RORA: variants seen among roughly 807,000 people sequenced by gnomAD.
RORA encodes nuclear receptor ROR-alpha.
A neutral mutation model predicts 69.5 loss-of-function variants in RORA; 7 were observed. The ratio of observed to expected loss-of-function variants is 0.10; its 90% confidence interval spans 0.06 to 0.19. The LOEUF (loss-of-function observed/expected upper bound fraction) is 0.19, where lower values mean the gene tolerates loss of function less well. Among genes scored for constraint, RORA ranks in the 10% least tolerant of loss-of-function variants. The pLI is 1.00. For missense variants in RORA, 457 were observed against 663.0 expected (o/e 0.69, Z 3.41); for synonymous variants, 261 against 240.8 (o/e 1.08, Z -0.78).
At chr15:61,042,796 C>T (rs1896845446) in intron 1 of RORA, among the ~76,000 whole-genome samples, 1 of 152,184 alleles carries the variant, frequency 6.6e-6, no homozygotes, top group Non-Finnish European at 1.5e-5. Context: ...TTTTTGCCTG[C>T]CTGGAGAAAT....
At chr15:61,072,161 T>C (rs1473135458) in intron 1 of RORA, among the ~76,000 whole-genome samples, 1 of 152,176 alleles carries the variant, frequency 6.6e-6, no homozygotes, top group East Asian at 1.9e-4. Context: ...GACAGGATTG[T>C]GAATGAGGCA....
intron 1 of RORA, among the ~76,000 whole-genome samples, chr15:60,836,409 T>C (rs1006402027): frequency 2.0e-5 from 3 of 152,110 alleles, no homozygotes; most frequent in African/African-American, 7.2e-5. Context: ...CTCGGACCAT[T>C]CTTTATCCTT....
chr15:60,870,774 T>C (rs953810550), intron 1 of RORA, among the ~76,000 whole-genome samples: 11 of 152,326 alleles, frequency 7.2e-5, no homozygotes, highest in Middle Eastern at 3.4e-3. Context: ...ATCCTTACAC[T>C]CACTAGTCAC....
chr15:60,594,845 G>A (rs551901699), intron 2 of RORA, among the ~76,000 whole-genome samples: 1 of 152,318 alleles, frequency 6.6e-6, no homozygotes, highest in Admixed American at 6.5e-5. Context: ...GCCCTTTGGA[G>A]ATGTACTTCA....
chr15:60,653,734 G>A (rs1180172980), intron 2 of RORA, among the ~76,000 whole-genome samples: 1 of 152,060 alleles, frequency 6.6e-6, no homozygotes, highest in Non-Finnish European at 1.5e-5. Flanking sequence ...TCAGCTCAGA[G>A]TCCGACTGTG....
chr15:60,720,474 A>C (rs555049679), intron 1 of RORA, among the ~76,000 whole-genome samples: 1 of 152,360 alleles, frequency 6.6e-6, no homozygotes, highest in South Asian at 2.1e-4. Context: ...TCAAGGGTAC[A>C]TTTAACCATC....
At chr15:61,047,551 T>C (rs1384676338) in intron 1 of RORA, among the ~76,000 whole-genome samples, 1 of 152,222 alleles carries the variant, frequency 6.6e-6, no homozygotes, top group Non-Finnish European at 1.5e-5. Flanking sequence ...GGAGTGTCTC[T>C]TCCCTTGTTC....
chr15:61,129,679 T>C (rs540450079), intron 1 of RORA, among the ~76,000 whole-genome samples: 1 of 152,302 alleles, frequency 6.6e-6, no homozygotes, highest in East Asian at 1.9e-4. Context: ...GACAGTTCAG[T>C]CAAAGGATCA....
intron 2 of RORA, among the ~76,000 whole-genome samples, chr15:60,632,354 G>T (rs987799340): frequency 1.3e-4 from 20 of 151,930 alleles, no homozygotes; most frequent in Admixed American, 1.0e-3. Context: ...TGATCTGCCC[G>T]CCTCGGCCTC....
intron 1 of RORA, among the ~76,000 whole-genome samples, chr15:61,135,996 T>C (rs2079236759): frequency 6.6e-6 from 1 of 152,230 alleles, no homozygotes; most frequent in Admixed American, 6.5e-5. Context: ...ACGTTCAAGA[T>C]AATAGGTTAC....
intron 6 of RORA, among the ~76,000 whole-genome samples, chr15:60,505,018 G>A (rs1450808807): frequency 6.6e-6 from 1 of 152,148 alleles, no homozygotes; most frequent in Non-Finnish European, 1.5e-5. Flanking sequence ...GGCAAGTAGG[G>A]TACTATTTGT....
At chr15:60,742,493 T>C (rs2071587501) in intron 1 of RORA, among the ~76,000 whole-genome samples, 2 of 152,360 alleles carry the variant, frequency 1.3e-5, no homozygotes, top group South Asian at 4.1e-4. Context: ...ATTTTTGTGA[T>C]GAGAATTCTT....
chr15:61,113,015 AAC>A (rs150116240), intron 1 of RORA, among the ~76,000 whole-genome samples: 137 of 152,326 alleles, frequency 9.0e-4, no homozygotes, highest in African/African-American at 3.1e-3. Flanking sequence ...TGGGCAGGTA[AAC>A]AGAAAGCATT....
intron 2 of RORA, among the ~76,000 whole-genome samples, chr15:60,551,949 C>G (rs191412798): frequency 6.6e-6 from 1 of 152,218 alleles, no homozygotes; most frequent in African/African-American, 2.4e-5. Context: ...AAACAATTCA[C>G]TTGGGAAGAG....
At chr15:61,140,249 C>A (rs991434727) in intron 1 of RORA, among the ~76,000 whole-genome samples, 2 of 152,122 alleles carry the variant, frequency 1.3e-5, no homozygotes, top group Admixed American at 6.5e-5. Context: ...AACACGGTAC[C>A]TAAAATTTTC....
chr15:60,742,414 A>G (rs2071586394), intron 1 of RORA, among the ~76,000 whole-genome samples: 1 of 152,206 alleles, frequency 6.6e-6, no homozygotes, highest in Non-Finnish European at 1.5e-5. Flanking sequence ...ACATATTTTG[A>G]TATATGTATA....
chr15:61,151,112 T>C (rs1325657745), intron 1 of RORA, among the ~76,000 whole-genome samples: 1 of 152,164 alleles, frequency 6.6e-6, no homozygotes, highest in Non-Finnish European at 1.5e-5. Context: ...ACTCTTTTAC[T>C]CTATGCCCAA....
intron 1 of RORA, among the ~76,000 whole-genome samples, chr15:60,781,133 A>G (rs1438585509): frequency 6.6e-6 from 1 of 152,126 alleles, no homozygotes; most frequent in African/African-American, 2.4e-5. Flanking sequence ...TCTGCTTCTT[A>G]AGTGCATAGA....
intron 2 of RORA, among the ~76,000 whole-genome samples, chr15:60,538,778 A>G (rs2066760201): frequency 6.6e-6 from 1 of 152,024 alleles, no homozygotes; most frequent in Admixed American, 6.6e-5. Context: ...TAACATAATA[A>G]ACATATATGT....
Sources: gnomAD v4.1 joint callset for allele counts (sites outside exome capture counted in the v4.1 genomes callset) on GRCh38, gnomAD v4.1.1 for gene constraint, MANE v1.5 for transcripts, NCBI Gene and HGNC (gene_info 2026-07-23, HGNC 2026-07-21) for gene names.